The following AKAP19 variants were observed in gnomAD, a reference collection of about 807,000 sequenced individuals.
AKAP19 encodes the protein small A-kinase anchoring protein.
At chr2:190,098,218 C>A in the AKAP19 span, among the ~76,000 whole-genome samples, 1 of 152,094 alleles carries the variant, frequency 6.6e-6, no homozygotes, top group Non-Finnish European at 1.5e-5. Flanking sequence ...GCAACTATAG[C>A]CTTATAAAAT....
At chr2:190,173,952 T>TGTCACCTGCTCTGTCCTTA in the AKAP19 span, among the ~76,000 whole-genome samples, 1 of 152,178 alleles carries the variant, frequency 6.6e-6, no homozygotes, top group Non-Finnish European at 1.5e-5. Flanking sequence ...TCCTAGCTTC[T>TGTCACCTGCTCTGTCCTTA]GTCACCTGCT....
the AKAP19 span, among the ~76,000 whole-genome samples, chr2:190,107,105 T>C: frequency 3.3e-5 from 5 of 152,228 alleles, no homozygotes; most frequent in Non-Finnish European, 7.3e-5. Flanking sequence ...CTCAAATGTC[T>C]GTGGTATTCT....
At chr2:189,940,211 G>A in the AKAP19 span, among the ~76,000 whole-genome samples, 52 of 151,802 alleles carry the variant, frequency 3.4e-4, no homozygotes, top group South Asian at 8.3e-4. Flanking sequence ...CCCAGGAGGC[G>A]GAGTTTGCAG....
the AKAP19 span, among the ~76,000 whole-genome samples, chr2:190,040,091 A>G: frequency 1.3e-5 from 2 of 152,178 alleles, no homozygotes; most frequent in African/African-American, 2.4e-5. Context: ...TCTTTGAGGA[A>G]TTGCCATACT....
At chr2:190,201,066 T>G in the AKAP19 span, 1 of 166,552 alleles carries the variant, frequency 6.0e-6, no homozygotes, top group African/African-American at 2.4e-5. Context: ...AGATAATGCA[T>G]GAAGATTTAC....
At chr2:189,922,827 A>G in the AKAP19 span, among the ~76,000 whole-genome samples, 3 of 152,102 alleles carry the variant, frequency 2.0e-5, no homozygotes, top group African/African-American at 7.2e-5. Flanking sequence ...GAAGGCCATG[A>G]TGTACTTTAT....
chr2:189,882,548 T>C, the AKAP19 span, among the ~76,000 whole-genome samples: 1 of 152,212 alleles, frequency 6.6e-6, no homozygotes, highest in East Asian at 1.9e-4. Flanking sequence ...TGCATTCTTT[T>C]GATTCCTTGA....
chr2:190,144,248 G>GAA, the AKAP19 span, among the ~76,000 whole-genome samples: 2,462 of 140,972 alleles, frequency 0.017, 36 homozygotes, highest in Middle Eastern at 0.029. Context: ...GGCTCTAACA[G>GAA]AAAAAAAAAA....
the AKAP19 span, among the ~76,000 whole-genome samples, chr2:189,974,891 G>A: frequency 6.6e-6 from 1 of 152,146 alleles, no homozygotes; most frequent in African/African-American, 2.4e-5. Context: ...CGTGAGATGA[G>A]TCTCCTGAAT....
the AKAP19 span, among the ~76,000 whole-genome samples, chr2:189,919,752 T>C: frequency 1.3e-5 from 2 of 152,198 alleles, no homozygotes; most frequent in Middle Eastern, 3.2e-3. Context: ...CATCACTTTT[T>C]AAAAAGCTGC....
chr2:190,153,117 G>A, the AKAP19 span, among the ~76,000 whole-genome samples: 13 of 152,062 alleles, frequency 8.5e-5, no homozygotes, highest in Admixed American at 1.3e-4. Context: ...GGATGGTCTC[G>A]ATCTTCTGAC....
chr2:190,105,301 C>G, the AKAP19 span, among the ~76,000 whole-genome samples: 1 of 152,090 alleles, frequency 6.6e-6, no homozygotes, highest in African/African-American at 2.4e-5. Context: ...TTAATAGTCT[C>G]TTTCACTCTT....
chr2:189,928,943 G>A, the AKAP19 span, among the ~76,000 whole-genome samples: 1 of 152,000 alleles, frequency 6.6e-6, no homozygotes, highest in African/African-American at 2.4e-5. Context: ...GAGTATATAC[G>A]AAAAAATAAA....
chr2:189,999,147 T>A, the AKAP19 span, among the ~76,000 whole-genome samples: 1 of 151,996 alleles, frequency 6.6e-6, no homozygotes, highest in Non-Finnish European at 1.5e-5. Flanking sequence ...TTGCTCTTAT[T>A]TTTCCAGTTT....
the AKAP19 span, among the ~76,000 whole-genome samples, chr2:189,933,904 A>C: frequency 6.6e-6 from 1 of 152,072 alleles, no homozygotes; most frequent in East Asian, 1.9e-4. Flanking sequence ...TTTCTCAGCT[A>C]AATATGGCAT....
the AKAP19 span, among the ~76,000 whole-genome samples, chr2:189,933,884 T>C: frequency 6.6e-6 from 1 of 152,260 alleles, no homozygotes; most frequent in East Asian, 1.9e-4. Context: ...CTCACTAACC[T>C]GGACAGCCTT....
chr2:190,097,859 CAAAAAAAAA>C, the AKAP19 span, among the ~76,000 whole-genome samples: 7 of 64,526 alleles, frequency 1.1e-4, no homozygotes, highest in Admixed American at 4.2e-4. Context: ...TGGTTTCTAC[CAAAAAAAAA>C]AAAAAAAAAA....
At chr2:189,932,946 G>A in the AKAP19 span, among the ~76,000 whole-genome samples, 4 of 152,078 alleles carry the variant, frequency 2.6e-5, no homozygotes, top group East Asian at 3.9e-4. Context: ...GTTAGGGTCC[G>A]AAAAAGCAAA....
At chr2:190,152,015 CA>C in the AKAP19 span, among the ~76,000 whole-genome samples, 57,842 of 144,568 alleles carry the variant, frequency 0.4, 12,096 homozygotes, top group African/African-American at 0.54. Context: ...AAAACAACAA[CA>C]AAAAAAAAAA....
Sources: gnomAD v4.1 joint callset for allele counts (sites outside exome capture counted in the v4.1 genomes callset) on GRCh38, gnomAD v4.1.1 for gene constraint, MANE v1.5 for transcripts, NCBI Gene and HGNC (gene_info 2026-07-23, HGNC 2026-07-21) for gene names.